SEMA3D: variants seen among roughly 807,000 people sequenced by gnomAD.
SEMA3D encodes semaphorin-3D.
In SEMA3D, 84 loss-of-function variants were observed where a neutral mutation model predicts 100.1. The observed-to-expected ratio is 0.84, with a 90% confidence interval of 0.70 to 1.01. SEMA3D has a LOEUF of 1.01. Among genes scored for constraint, SEMA3D ranks in the 50% least tolerant of loss-of-function variants. The pLI is 0.00. For missense variants in SEMA3D, 875 were observed against 934.1 expected (o/e 0.94, Z 0.82); for synonymous variants, 312 against 320.7 (o/e 0.97, Z 0.29).
At chr7:85,134,185 T>C (rs1789798055) in intron 2 of SEMA3D, among the ~76,000 whole-genome samples, 1 of 151,988 alleles carries the variant, frequency 6.6e-6, no homozygotes, top group East Asian at 1.9e-4. Context: ...AATTGCTTTA[T>C]TGGATGTGGA....
the SEMA3D span, among the ~76,000 whole-genome samples, chr7:85,241,748 C>A: frequency 1.3e-5 from 2 of 151,018 alleles, no homozygotes; most frequent in African/African-American, 4.9e-5. Flanking sequence ...ATGGGTGCAC[C>A]AAAATCTCAC....
the SEMA3D span, among the ~76,000 whole-genome samples, chr7:85,231,907 A>AT: frequency 2.0e-5 from 3 of 152,136 alleles, no homozygotes; most frequent in Admixed American, 6.5e-5. Context: ...GAGGAAAAAC[A>AT]TTTTTTTCTT....
chr7:85,072,932 TATGCTTTTC>T, intron 6 of SEMA3D, 21 bp downstream of exon 6: 1 of 1,548,232 alleles, frequency 6.5e-7, no homozygotes, highest in Non-Finnish European at 8.8e-7. Flanking sequence ...TACAATAAAT[TATGCTTTTC>T]ATGCTTTTTC....
chr7:85,089,213 G>A lies in SEMA3D; in HGVS notation c.313-7634C>T, dbSNP rs1217421056. On this transcript the variant is annotated intron_variant, in intron 4 of 18. Transcript: ENST00000284136. ...AAGAAACTTGCAGTAAACATTTCTT[G>A]AGCTTTTTTGTGTATGCCAGCTAAT... Among the ~76,000 whole-genome samples the A allele has an allele frequency of 2.0e-5, 3 of 152,024 alleles. No homozygotes were observed. The East Asian group carries it at 5.8e-4, about 29-fold the overall frequency.
chr7:85,048,602 T>G (rs1791073328), intron 9 of SEMA3D, among the ~76,000 whole-genome samples: 1 of 151,912 alleles, frequency 6.6e-6, no homozygotes, highest in Non-Finnish European at 1.5e-5. Flanking sequence ...TTAAATCAAA[T>G]GAAACAAACT....
At chr7:85,050,498 T>TA (rs762247241) in intron 9 of SEMA3D, 12 of 312,004 alleles carry the variant, frequency 3.8e-5, no homozygotes, top group Non-Finnish European at 6.5e-5. Flanking sequence ...CTCTACCATG[T>TA]ATAATTATAA....
At chr7:85,062,246 A>G (rs749527307) in intron 8 of SEMA3D, among the ~76,000 whole-genome samples, 5 of 152,230 alleles carry the variant, frequency 3.3e-5, no homozygotes, top group African/African-American at 7.2e-5. Context: ...TCAATAAAAT[A>G]GCACTTTAAA....
chr7:85,241,467 GTA>G, the SEMA3D span, among the ~76,000 whole-genome samples: 3,576 of 91,938 alleles, frequency 0.039, 222 homozygotes, highest in East Asian at 0.16. Flanking sequence ...CTGTGTGTGT[GTA>G]TATATATATA....
chr7:85,022,770 C>T (rs537099966), intron 12 of SEMA3D, among the ~76,000 whole-genome samples, 157 bp from the exon 13 acceptor site: 2 of 151,888 alleles, frequency 1.3e-5, no homozygotes, highest in Admixed American at 1.3e-4. Flanking sequence ...ATAAATGCAG[C>T]GTGCCTCTAA....
intron 1 of SEMA3D, among the ~76,000 whole-genome samples, chr7:85,186,226 C>T (rs1791543394): frequency 6.6e-6 from 1 of 152,164 alleles, no homozygotes; most frequent in Non-Finnish European, 1.5e-5. Context: ...CCGGATGTTC[C>T]CGACTAAAGC....
intron 1 of SEMA3D, chr7:85,159,789 A>G (rs1790694342): frequency 1.0e-6 from 1 of 966,510 alleles, no homozygotes. Flanking sequence ...ATTCACTTTG[A>G]CAGCAGGCTA....
At chr7:85,022,345 AAT>A in intron 13 of SEMA3D, 44 bp downstream of exon 13, 1 of 1,303,366 alleles carries the variant, frequency 7.7e-7, no homozygotes, top group African/African-American at 1.5e-5. Flanking sequence ...TTTGTCTAAT[AAT>A]GAAAAATTCC....
the SEMA3D span, among the ~76,000 whole-genome samples, chr7:85,218,407 T>C: frequency 1.3e-5 from 2 of 152,240 alleles, no homozygotes. Context: ...TTTTTAACTT[T>C]ATTATTAAAA....
chr7:85,163,359 A>G (rs2116523337), intron 1 of SEMA3D, among the ~76,000 whole-genome samples: 1 of 152,226 alleles, frequency 6.6e-6, no homozygotes, highest in East Asian at 1.9e-4. Flanking sequence ...TTATAAAGCA[A>G]AGAATACAGT....
rs1396159728 is a variant in SEMA3D at position 85,170,511 on chromosome 7, C to T, written c.-173+16167G>A. Reference sequence around the variant, plus strand: ...GGTCCTGAGAGATATATAAAAAGTTCTATGTCAGGCAGAGTGATTTGAATA... The same window carrying T: ...GGTCCTGAGAGATATATAAAAAGTTTTATGTCAGGCAGAGTGATTTGAATA... On this transcript the variant is annotated intron_variant, in intron 1 of 18. Coordinates refer to ENST00000284136, the MANE Select transcript of SEMA3D (RefSeq NM_001384900.1). Among the ~76,000 whole-genome samples the T allele has an allele frequency of 2.6e-5, 4 of 151,864 alleles. No homozygotes were observed. In the East Asian group the frequency reaches 7.7e-4, roughly 29 times the overall value.
At chr7:85,217,430 A>G in the SEMA3D span, among the ~76,000 whole-genome samples, 3 of 152,132 alleles carry the variant, frequency 2.0e-5, no homozygotes, top group African/African-American at 7.2e-5. Flanking sequence ...CTTATAGTTT[A>G]ACAAAAACAG....
chr7:85,100,203 AC>A (rs1322313768), intron 3 of SEMA3D, among the ~76,000 whole-genome samples: 2 of 152,026 alleles, frequency 1.3e-5, no homozygotes, highest in Non-Finnish European at 2.9e-5. Context: ...GCATAGTTAT[AC>A]AAATGAAGCT....
chr7:85,239,072 A>T, the SEMA3D span, among the ~76,000 whole-genome samples: 1 of 152,166 alleles, frequency 6.6e-6, no homozygotes, highest in Non-Finnish European at 1.5e-5. Flanking sequence ...TACACACCTT[A>T]TTAAGGTTTA....
At chr7:85,180,163 C>G (rs763224917) in intron 1 of SEMA3D, among the ~76,000 whole-genome samples, 3 of 152,142 alleles carry the variant, frequency 2.0e-5, no homozygotes, top group African/African-American at 7.2e-5. Flanking sequence ...GGGAGAGGGA[C>G]CTCATGTGAG....
Sources: allele counts gnomAD v4.1 joint callset (sites outside exome capture counted in the v4.1 genomes callset), GRCh38; gene constraint gnomAD v4.1.1; transcripts MANE v1.5; gene names NCBI Gene and HGNC (gene_info 2026-07-23, HGNC 2026-07-21).